GRM1: variants seen among roughly 807,000 people sequenced by gnomAD.
The protein encoded by GRM1 is metabotropic glutamate receptor 1.
A neutral mutation model predicts 90.9 loss-of-function variants in GRM1; 33 were observed. That is an observed-to-expected ratio of 0.36 (90% CI 0.28 to 0.49). GRM1 has a LOEUF of 0.49. GRM1 is among the 20% of genes least tolerant of loss of function. The pLI, the probability that GRM1 is intolerant of heterozygous loss-of-function variation, is 0.99. For missense variants in GRM1, 1,190 were observed against 1,534.3 expected, an observed-to-expected ratio of 0.78 and a Z score of 3.75; for synonymous variants, 700 against 613.2, an observed-to-expected ratio of 1.14 and a Z score of -2.09.
At chr6:146,410,269 A>T (rs921210939) in intron 7 of GRM1, among the ~76,000 whole-genome samples, 2 of 152,212 alleles carry the variant, frequency 1.3e-5, no homozygotes, top group African/African-American at 4.8e-5. Context: ...AATTTAAAAA[A>T]AATACAGAGT....
chr6:146,358,332 T>C (rs928308961), intron 5 of GRM1, among the ~76,000 whole-genome samples: 2 of 152,158 alleles, frequency 1.3e-5, no homozygotes, highest in Admixed American at 6.5e-5. Context: ...TAAAGAGGCT[T>C]CTTGATGAAG....
At chr6:146,265,996 T>C (rs974989673) in intron 2 of GRM1, among the ~76,000 whole-genome samples, 1 of 152,028 alleles carries the variant, frequency 6.6e-6, no homozygotes, top group Non-Finnish European at 1.5e-5. Flanking sequence ...CGAGACCATC[T>C]TGGCCAACAT....
At chr6:146,168,901 T>C (rs958757987) in intron 2 of GRM1, among the ~76,000 whole-genome samples, 2 of 152,152 alleles carry the variant, frequency 1.3e-5, no homozygotes, top group African/African-American at 2.4e-5. Flanking sequence ...TATTGAGTCA[T>C]TTTATTATGA....
intron 1 of GRM1, among the ~76,000 whole-genome samples, chr6:146,071,175 G>A (rs1776006058): frequency 6.6e-6 from 1 of 152,048 alleles, no homozygotes; most frequent in South Asian, 2.1e-4. Flanking sequence ...ATTATTCAAA[G>A]GTCACTTAAG....
chr6:146,324,459 A>T (rs1322651084), intron 3 of GRM1, among the ~76,000 whole-genome samples: 1 of 152,090 alleles, frequency 6.6e-6, no homozygotes, highest in Non-Finnish European at 1.5e-5. Flanking sequence ...AAAATTAAAA[A>T]AAATAAATAA....
intron 1 of GRM1, among the ~76,000 whole-genome samples, chr6:146,110,847 G>A (rs1266108381): frequency 2.0e-5 from 3 of 152,154 alleles, no homozygotes; most frequent in Admixed American, 2.0e-4. Context: ...CATTTATTAG[G>A]GGTCTTAGGA....
At chr6:146,425,785 C>T (rs983296313) in intron 7 of GRM1, among the ~76,000 whole-genome samples, 1 of 152,068 alleles carries the variant, frequency 6.6e-6, no homozygotes, top group Non-Finnish European at 1.5e-5. Flanking sequence ...TTTATCCCAT[C>T]ACCTTCTGCA....
intron 6 of GRM1, among the ~76,000 whole-genome samples, chr6:146,389,690 C>T (rs1193615398): frequency 6.6e-6 from 1 of 152,044 alleles, no homozygotes; most frequent in Admixed American, 6.6e-5. Context: ...ATGAGTTGAG[C>T]CAGCAACTCC....
intron 2 of GRM1, among the ~76,000 whole-genome samples, chr6:146,206,658 G>C (rs571380295): frequency 2.0e-4 from 30 of 151,102 alleles, no homozygotes; most frequent in African/African-American, 7.0e-4. Flanking sequence ...TAGGTTTGAT[G>C]GTACATATGA....
At chr6:146,086,527 C>T (rs1477757402) in intron 1 of GRM1, among the ~76,000 whole-genome samples, 1 of 151,922 alleles carries the variant, frequency 6.6e-6, no homozygotes, top group Non-Finnish European at 1.5e-5. Context: ...ACTATTTACA[C>T]CTCTGGACTG....
chr6:146,266,111 C>T (rs942208281), intron 2 of GRM1, among the ~76,000 whole-genome samples: 3 of 152,046 alleles, frequency 2.0e-5, no homozygotes, highest in Non-Finnish European at 4.4e-5. Flanking sequence ...ATTGCTTGAA[C>T]CCGGGAGATG....
At chr6:146,263,556 G>A (rs935551134) in intron 2 of GRM1, among the ~76,000 whole-genome samples, 1 of 151,872 alleles carries the variant, frequency 6.6e-6, no homozygotes, top group Admixed American at 6.6e-5. Context: ...CTGATAAATA[G>A]CAATTTAAAA....
At chr6:146,209,921 A>G (rs574680525) in intron 2 of GRM1, among the ~76,000 whole-genome samples, 47 of 152,308 alleles carry the variant, frequency 3.1e-4, no homozygotes, top group Non-Finnish European at 5.6e-4. Flanking sequence ...TAAAAAATGT[A>G]GTGGTACTAC....
intron 1 of GRM1, among the ~76,000 whole-genome samples, chr6:146,147,283 T>G (rs185150760): frequency 6.6e-6 from 1 of 152,334 alleles, no homozygotes; most frequent in Admixed American, 6.5e-5. Context: ...GCCATAGGCT[T>G]TAGAGTCAGG....
Position 146,283,337 on chromosome 6 carries a change from A to C in GRM1, c.951-21274A>C, listed in dbSNP as rs141407353. On this transcript the variant is annotated intron_variant, in intron 2 of 7. Coordinates refer to ENST00000282753, the MANE Select transcript of GRM1 (RefSeq NM_001278064.2). ...CCAACCCCTGTTGAAGTCCTGAGTT[A>C]AGAATGTCAAATACATATGTGCTTT... Among the ~76,000 whole-genome samples the C allele has an allele frequency of 1.1e-3, 163 of 152,326 alleles. No homozygotes were observed. The Middle Eastern group carries it at 0.014, about 13-fold the overall frequency.
intron 3 of GRM1, among the ~76,000 whole-genome samples, chr6:146,350,146 G>A (rs1320533690): frequency 2.0e-5 from 3 of 152,192 alleles, no homozygotes; most frequent in Non-Finnish European, 2.9e-5. Flanking sequence ...CAGTGCTGAT[G>A]AATGAAGTAT....
intron 5 of GRM1, among the ~76,000 whole-genome samples, chr6:146,358,239 T>TG (rs3831829): frequency 0.14 from 21,784 of 151,780 alleles, 1,741 homozygotes; most frequent in East Asian, 0.33. Flanking sequence ...ATTTGGAGGG[T>TG]GGGTGGGGCA....
intron 1 of GRM1, among the ~76,000 whole-genome samples, chr6:146,158,460 A>C (rs2128890615): frequency 6.6e-6 from 1 of 152,314 alleles, no homozygotes; most frequent in South Asian, 2.1e-4. Flanking sequence ...ATCTGTGATA[A>C]CATGGTCAAA....
intron 1 of GRM1, among the ~76,000 whole-genome samples, chr6:146,101,962 C>G (rs1489589709): frequency 2.0e-5 from 3 of 151,898 alleles, no homozygotes; most frequent in Non-Finnish European, 4.4e-5. Context: ...CTTTTACAAA[C>G]CAGATATTAT....
Sources: gnomAD v4.1 joint callset for allele counts (sites outside exome capture counted in the v4.1 genomes callset) on GRCh38, gnomAD v4.1.1 for gene constraint, MANE v1.5 for transcripts, NCBI Gene and HGNC (gene_info 2026-07-23, HGNC 2026-07-21) for gene names.